The following CCDC12 variants were observed in gnomAD, a reference collection of about 807,000 sequenced individuals.
The protein encoded by CCDC12 is coiled-coil domain-containing protein 12.
A neutral mutation model predicts 25.7 loss-of-function variants in CCDC12; 28 were observed. That is an observed-to-expected ratio of 1.09 (90% CI 0.81 to 1.50). The LOEUF is 1.50. CCDC12 is among the 40% of genes most tolerant of loss of function. The pLI is 0.00. For synonymous variants in CCDC12, 75 were observed against 87.7 expected (o/e 0.86, Z 0.81); for missense variants, 198 against 210.0 (o/e 0.94, Z 0.35).
At chr3:46,953,343 G>A (rs1375251533) in intron 1 of CCDC12, among the ~76,000 whole-genome samples, 3 of 152,054 alleles carry the variant, frequency 2.0e-5, no homozygotes, top group Admixed American at 2.0e-4. Context: ...CCAGGGGTAA[G>A]AGTCCTATAT....
At chr3:46,976,448 C>T in intron 1 of CCDC12, 189 bp downstream of exon 1, 1 of 1,424,984 alleles carries the variant, frequency 7.0e-7, no homozygotes, top group Non-Finnish European at 9.1e-7. Context: ...GCACCAGCGC[C>T]AGAGGAGTCC....
chr3:46,935,438 G>A (rs1184891377), intron 2 of CCDC12, among the ~76,000 whole-genome samples: 1 of 152,012 alleles, frequency 6.6e-6, no homozygotes, highest in Non-Finnish European at 1.5e-5. Context: ...CACAAACGCT[G>A]CCCTAGACAT....
chr3:46,961,983 C>A (rs2034478205), intron 1 of CCDC12, among the ~76,000 whole-genome samples: 1 of 152,078 alleles, frequency 6.6e-6, no homozygotes, highest in African/African-American at 2.4e-5. Context: ...GGTTAGAGGT[C>A]TAAAGGTTAA....
intron 1 of CCDC12, among the ~76,000 whole-genome samples, chr3:46,974,766 A>G (rs889215781): frequency 1.3e-5 from 2 of 152,192 alleles, no homozygotes; most frequent in Non-Finnish European, 2.9e-5. Context: ...AGGTCTAGCT[A>G]TTTAACATTC....
At chr3:46,933,868 T>C (rs1464462311) in intron 2 of CCDC12, among the ~76,000 whole-genome samples, 2 of 152,180 alleles carry the variant, frequency 1.3e-5, no homozygotes, top group South Asian at 2.1e-4. Context: ...TGTTGATCTG[T>C]AGTTTCTAAG....
intron 1 of CCDC12, among the ~76,000 whole-genome samples, chr3:46,944,971 C>T (rs1296734762): frequency 1.3e-5 from 2 of 152,192 alleles, no homozygotes; most frequent in Non-Finnish European, 2.9e-5. Context: ...TCTGATAACC[C>T]CCAAGAAAAC....
At chr3:46,951,758 C>T (rs1489145934) in intron 1 of CCDC12, among the ~76,000 whole-genome samples, 90 of 95,850 alleles carry the variant, frequency 9.4e-4, no homozygotes, top group Non-Finnish European at 1.7e-3. Context: ...CCAGCCTGGG[C>T]GACAGAACGA....
At chr3:46,937,817 G>C (rs2033513560) in intron 2 of CCDC12, among the ~76,000 whole-genome samples, 1 of 152,196 alleles carries the variant, frequency 6.6e-6, no homozygotes, top group South Asian at 2.1e-4. Flanking sequence ...CCTGTGTTAG[G>C]CAACCAATGT....
chr3:46,957,267 G>A (rs969630847), intron 1 of CCDC12, among the ~76,000 whole-genome samples: 4 of 152,168 alleles, frequency 2.6e-5, no homozygotes, highest in Admixed American at 1.3e-4. Context: ...ATTGATTCCA[G>A]GGCACAGGGC....
chr3:46,949,979 T>C (rs2034050638), intron 1 of CCDC12, among the ~76,000 whole-genome samples: 1 of 148,234 alleles, frequency 6.7e-6, no homozygotes, highest in African/African-American at 2.5e-5. Context: ...TGAGCCAAGA[T>C]TGCGCTACCA....
chr3:46,976,294 G>C (rs770032906), intron 1 of CCDC12: 2 of 1,169,734 alleles, frequency 1.7e-6, no homozygotes, highest in Non-Finnish European at 2.1e-6. Context: ...TAGAGGAACG[G>C]AACAAATCAC....
chr3:46,936,756 T>C (rs770334910), intron 2 of CCDC12, among the ~76,000 whole-genome samples: 10 of 152,296 alleles, frequency 6.6e-5, no homozygotes, highest in Non-Finnish European at 1.5e-4. Context: ...ATGAACTAGC[T>C]ACATCAATAT....
At chr3:46,935,248 A>G (rs1413834936) in intron 2 of CCDC12, among the ~76,000 whole-genome samples, 1 of 152,166 alleles carries the variant, frequency 6.6e-6, no homozygotes, top group African/African-American at 2.4e-5. Context: ...CTCCATACAA[A>G]GCCACAGGGA....
At chr3:46,970,971 C>T (rs2034787025) in intron 1 of CCDC12, among the ~76,000 whole-genome samples, 1 of 152,162 alleles carries the variant, frequency 6.6e-6, no homozygotes, top group South Asian at 2.1e-4. Flanking sequence ...GAAACCCTGG[C>T]TCTTGCAAAA....
At chr3:46,979,933 GCCCGCA>G (rs757306698), upstream of CCDC12, 16 of 362,756 alleles carry the variant, frequency 4.4e-5, no homozygotes, top group Middle Eastern at 1.5e-3. Context: ...CCCGCCCCGC[GCCCGCA>G]CCCGCACCCG....
chr3:46,926,705 C>T (rs1456008021), intron 2 of CCDC12, among the ~76,000 whole-genome samples: 1 of 152,134 alleles, frequency 6.6e-6, no homozygotes, highest in Non-Finnish European at 1.5e-5. Context: ...GACCCCTAGC[C>T]CCAGGGGATG....
rs2107099804 is a variant in CCDC12, at chr3:46,923,654, T to C, written c.259A>G (p.Lys87Glu). 6.4e-7 allele frequency: 1 copy of C among 1,568,018 alleles called. No homozygotes were observed. Among genetic ancestry groups the C allele is most frequent in the East Asian group, 2.3e-5 (1 of 43,590 alleles). Residue 87 changes from lysine to glutamate, a missense_variant, in exon 4 of 7, where the codon AAG becomes GAG. Lys to Glu is a moderately conservative substitution (Grantham distance 56). Transcript: ENST00000683445. Reference protein sequence around the residue: ...AKPVAVEEKVKEQLEAAKPEP... With the variant: ...AKPVAVEEKVEEQLEAAKPEP... Reference sequence around the variant, plus strand: ...GGCTTGGCGGCCTCCAGCTGCTCCTTCACCTTCTCCTCCACTAGAGGGTGC... The same window carrying C: ...GGCTTGGCGGCCTCCAGCTGCTCCTCCACCTTCTCCTCCACTAGAGGGTGC...
intron 1 of CCDC12, among the ~76,000 whole-genome samples, chr3:46,958,803 T>G (rs1266283293): frequency 6.6e-6 from 1 of 152,184 alleles, no homozygotes; most frequent in Non-Finnish European, 1.5e-5. Context: ...CAGTCACTGA[T>G]GTAAGCCAAG....
At chr3:46,980,747 C>T (rs560605064), upstream of CCDC12, among the ~76,000 whole-genome samples, 44 of 152,262 alleles carry the variant, frequency 2.9e-4, no homozygotes, top group South Asian at 8.9e-3. Flanking sequence ...GTATCACTCA[C>T]ACCGTCTCAC....
Sources: gnomAD v4.1 joint callset for allele counts (sites outside exome capture counted in the v4.1 genomes callset) on GRCh38, gnomAD v4.1.1 for gene constraint, MANE v1.5 for transcripts, NCBI Gene and HGNC (gene_info 2026-07-23, HGNC 2026-07-21) for gene names.